The following PEX5L variants were observed in gnomAD, a reference collection of about 807,000 sequenced individuals.
The protein encoded by PEX5L is peroxisomal biogenesis factor 5 like, also known as PEX5-related protein.
In PEX5L, 30 loss-of-function variants were observed where a neutral mutation model predicts 84.0. That is an observed-to-expected ratio of 0.36 (90% CI 0.27 to 0.48). The LOEUF is 0.48. Among genes scored for constraint, PEX5L ranks in the 20% least tolerant of loss-of-function variants. The pLI is 0.99. For synonymous variants in PEX5L, 270 were observed against 283.1 expected (o/e 0.95, Z 0.46); for missense variants, 533 against 754.6 (o/e 0.71, Z 3.44).
chr3:179,822,867 G>T (rs1286696781), intron 8 of PEX5L, among the ~76,000 whole-genome samples: 1 of 152,212 alleles, frequency 6.6e-6, no homozygotes, highest in East Asian at 1.9e-4. Context: ...TATGCAGCAT[G>T]GTGGTTAAGA....
At chr3:179,979,717 T>C (rs1786139564) in intron 1 of PEX5L, among the ~76,000 whole-genome samples, 1 of 152,244 alleles carries the variant, frequency 6.6e-6, no homozygotes, top group Non-Finnish European at 1.5e-5. Context: ...CTCTGCAGTC[T>C]GAGAAAAATA....
chr3:179,996,894 T>C (rs1018870131), intron 1 of PEX5L, among the ~76,000 whole-genome samples: 2 of 152,172 alleles, frequency 1.3e-5, no homozygotes, highest in Non-Finnish European at 2.9e-5. Flanking sequence ...TAATTAATCA[T>C]GGTGTTCCTA....
intron 7 of PEX5L, among the ~76,000 whole-genome samples, chr3:179,869,672 AAGTTCCC>A (rs1749604184): frequency 1.3e-5 from 2 of 152,150 alleles, no homozygotes; most frequent in South Asian, 4.1e-4. Context: ...ACTTTCTCTG[AAGTTCCC>A]AGAAGAAATG....
chr3:179,801,781 T>G lies in PEX5L; in HGVS notation c.*47A>C. 8.4e-7 allele frequency: 1 copy of G among 1,189,972 alleles called. No homozygotes were observed. The highest frequency in any genetic ancestry group is 1.3e-6 in the Non-Finnish European group (1 of 796,076). The allele number at this position is 1,189,972 out of a possible 1,614,324, so 73.7% of individuals were successfully genotyped here. ...AATAAAATAGTTTTTGATTTTTCAG[T>G]ACAATCACACAGATCAGGGATTATT... On this transcript the variant is annotated 3_prime_UTR_variant, in exon 15 of 15. Transcript: ENST00000467460.
intron 1 of PEX5L, among the ~76,000 whole-genome samples, chr3:180,015,394 A>G (rs528893408): frequency 6.6e-6 from 1 of 152,322 alleles, no homozygotes; most frequent in South Asian, 2.1e-4. Context: ...GTTTTCTCCA[A>G]AACGAGGTGT....
At chr3:179,936,573 C>CCTCA (rs1774686745) in intron 2 of PEX5L, among the ~76,000 whole-genome samples, 1 of 38,120 alleles carries the variant, frequency 2.6e-5, no homozygotes, top group African/African-American at 8.9e-5. Context: ...TAATTCTGCC[C>CCTCA]TGTTAACTTT....
intron 2 of PEX5L, among the ~76,000 whole-genome samples, chr3:179,941,399 T>G (rs192554747): frequency 1.3e-5 from 2 of 152,336 alleles, no homozygotes; most frequent in African/African-American, 4.8e-5. Flanking sequence ...CCATACAGTA[T>G]TTTTCCTTTT....
At chr3:179,836,171 T>C (rs973017328) in intron 8 of PEX5L, among the ~76,000 whole-genome samples, 6 of 152,186 alleles carry the variant, frequency 3.9e-5, no homozygotes, top group African/African-American at 1.4e-4. Flanking sequence ...AGTTATTTCC[T>C]TCTGTGAGCT....
chr3:179,991,678 G>C (rs1240608655), intron 1 of PEX5L, among the ~76,000 whole-genome samples: 1 of 152,100 alleles, frequency 6.6e-6, no homozygotes, highest in Non-Finnish European at 1.5e-5. Context: ...TCATTCACAT[G>C]CGTCTTCCAT....
At chr3:179,857,318 C>A (rs1185195237) in intron 8 of PEX5L, among the ~76,000 whole-genome samples, 2 of 152,146 alleles carry the variant, frequency 1.3e-5, no homozygotes, top group African/African-American at 4.8e-5. Flanking sequence ...AAACCAAGAC[C>A]AAGCAAAACT....
At chr3:180,027,398 G>A (rs911551430) in intron 1 of PEX5L, among the ~76,000 whole-genome samples, 6 of 152,104 alleles carry the variant, frequency 3.9e-5, no homozygotes, top group African/African-American at 1.4e-4. Flanking sequence ...AGAGTACAAT[G>A]GACTCCCATA....
At chr3:179,983,182 T>C (rs945137249) in intron 1 of PEX5L, among the ~76,000 whole-genome samples, 1 of 151,952 alleles carries the variant, frequency 6.6e-6, no homozygotes. Flanking sequence ...TACCAATATA[T>C]ACATATGTAT....
At chr3:179,933,625 C>A (rs1773736131) in intron 2 of PEX5L, among the ~76,000 whole-genome samples, 1 of 152,198 alleles carries the variant, frequency 6.6e-6, no homozygotes, top group East Asian at 1.9e-4. Context: ...CATCAAAAAT[C>A]TTTACTTTTC....
chr3:179,984,352 AT>A (rs1199808625), intron 1 of PEX5L, among the ~76,000 whole-genome samples: 3 of 151,598 alleles, frequency 2.0e-5, no homozygotes, highest in Admixed American at 6.6e-5. Context: ...TCTCACTAAA[AT>A]TTTTTTTTGG....
chr3:179,827,379 T>A (rs1730927494), intron 8 of PEX5L, among the ~76,000 whole-genome samples: 1 of 152,158 alleles, frequency 6.6e-6, no homozygotes, highest in Non-Finnish European at 1.5e-5. Context: ...GTCTCAGGGA[T>A]GTCTCGAGTA....
At chr3:179,861,771 A>G (rs968965090) in intron 7 of PEX5L, among the ~76,000 whole-genome samples, 5 of 152,176 alleles carry the variant, frequency 3.3e-5, no homozygotes, top group African/African-American at 9.6e-5. Flanking sequence ...AATAAAAATA[A>G]TAAGACGTTT....
chr3:179,883,973 T>C (rs1233240641), intron 4 of PEX5L, among the ~76,000 whole-genome samples: 1 of 152,200 alleles, frequency 6.6e-6, no homozygotes, highest in Non-Finnish European at 1.5e-5. Context: ...ACTGTAGATA[T>C]ATGAGGTTGG....
chr3:179,981,472 C>T (rs951851068), intron 1 of PEX5L, among the ~76,000 whole-genome samples: 2 of 152,088 alleles, frequency 1.3e-5, no homozygotes, highest in African/African-American at 4.8e-5. Context: ...ATAGCTGACC[C>T]CACACCAATT....
intron 8 of PEX5L, among the ~76,000 whole-genome samples, chr3:179,826,525 T>C (rs1241970382): frequency 1.3e-5 from 2 of 152,192 alleles, no homozygotes; most frequent in African/African-American, 4.8e-5. Context: ...GCAGGGCCAG[T>C]TTCTCAGTGG....
Sources: allele counts gnomAD v4.1 joint callset (sites outside exome capture counted in the v4.1 genomes callset), GRCh38; gene constraint gnomAD v4.1.1; transcripts MANE v1.5; gene names NCBI Gene and HGNC (gene_info 2026-07-23, HGNC 2026-07-21).